DLG2: variants seen among roughly 807,000 people sequenced by gnomAD.
The protein encoded by DLG2 is disks large homolog 2.
DLG2 carries 45 observed loss-of-function variants against 132.5 expected under a neutral mutation model. The observed-to-expected ratio is 0.34, with a 90% CI of 0.27 to 0.44. The LOEUF is 0.44. Ranked by LOEUF, DLG2 falls within the 20% of genes least tolerant of loss-of-function variation. The pLI is 1.00. For synonymous variants in DLG2, 424 were observed against 419.6 expected (o/e 1.01, Z -0.13); for missense variants, 1,045 against 1,196.9 (o/e 0.87, Z 1.87).
intron 11 of DLG2, among the ~76,000 whole-genome samples, chr11:84,003,131 G>T (rs1171812913): frequency 5.3e-5 from 8 of 152,164 alleles, no homozygotes; most frequent in Admixed American, 2.6e-4. Context: ...CATAGCAAGA[G>T]TCACCTTTAT....
intron 8 of DLG2, among the ~76,000 whole-genome samples, chr11:84,169,232 A>C (rs1355501912): frequency 6.6e-6 from 1 of 152,204 alleles, no homozygotes; most frequent in African/African-American, 2.4e-5. Context: ...CTAAAATCCC[A>C]AACAGTTTTC....
chr11:84,770,009 T>C (rs1382853250), intron 6 of DLG2, among the ~76,000 whole-genome samples: 2 of 152,224 alleles, frequency 1.3e-5, no homozygotes, highest in South Asian at 2.1e-4. Context: ...TGTTAAAATA[T>C]AGTCACCAAT....
chr11:83,850,162 T>TGTG (rs59045992), intron 16 of DLG2, among the ~76,000 whole-genome samples: 5,216 of 115,412 alleles, frequency 0.045, 134 homozygotes, highest in Middle Eastern at 0.079. Context: ...GTGTGTGTGT[T>TGTG]TTTTTACTTG....
At chr11:85,089,334 T>C (rs2068407651) in intron 6 of DLG2, among the ~76,000 whole-genome samples, 1 of 152,150 alleles carries the variant, frequency 6.6e-6, no homozygotes, top group African/African-American at 2.4e-5. Flanking sequence ...CAGTTTTATG[T>C]CAATGTGCAT....
At chr11:84,763,927 A>G (rs1308868925) in intron 6 of DLG2, among the ~76,000 whole-genome samples, 1 of 152,140 alleles carries the variant, frequency 6.6e-6, no homozygotes, top group Non-Finnish European at 1.5e-5. Context: ...ACATCAGCAA[A>G]AGCCAGGGGA....
At chr11:85,096,933 G>A (rs2069926461) in intron 6 of DLG2, among the ~76,000 whole-genome samples, 2 of 152,060 alleles carry the variant, frequency 1.3e-5, no homozygotes, top group Admixed American at 6.5e-5. Flanking sequence ...CGCTTTTCCT[G>A]TACTTCTGGG....
chr11:83,791,794 C>T (rs964824626), intron 17 of DLG2, among the ~76,000 whole-genome samples: 5 of 152,202 alleles, frequency 3.3e-5, no homozygotes, highest in Non-Finnish European at 7.3e-5. Flanking sequence ...TACGCTTCCT[C>T]TCCCAGGACC....
intron 3 of DLG2, among the ~76,000 whole-genome samples, chr11:85,518,690 C>T (rs1328310713): frequency 1.3e-5 from 2 of 152,144 alleles, no homozygotes; most frequent in Non-Finnish European, 2.9e-5. Flanking sequence ...ATGTTAATCC[C>T]CAAGACAATG....
chr11:84,564,683 T>C (rs1201404659), intron 6 of DLG2, among the ~76,000 whole-genome samples: 2 of 152,168 alleles, frequency 1.3e-5, no homozygotes, highest in Non-Finnish European at 2.9e-5. Flanking sequence ...GGGTCTCAAG[T>C]TGCCATAACT....
At chr11:83,944,309 G>A (rs12278816) in intron 14 of DLG2, among the ~76,000 whole-genome samples, 11,996 of 152,144 alleles carry the variant, frequency 0.079, 617 homozygotes, top group Non-Finnish European at 0.12. Flanking sequence ...TGCCTGTTCC[G>A]CCAAAACCTT....
chr11:84,089,927 G>C (rs897796936), intron 10 of DLG2, among the ~76,000 whole-genome samples: 1 of 152,138 alleles, frequency 6.6e-6, no homozygotes, highest in African/African-American at 2.4e-5. Context: ...AGTGGAGGCT[G>C]TCATGTGATA....
intron 8 of DLG2, among the ~76,000 whole-genome samples, chr11:84,227,312 A>T (rs1337963869): frequency 6.6e-6 from 1 of 151,966 alleles, no homozygotes; most frequent in South Asian, 2.1e-4. Flanking sequence ...AGATCAGAGA[A>T]TTGCAAAAGG....
At chr11:83,746,227 G>T (rs1306920812) in intron 18 of DLG2, among the ~76,000 whole-genome samples, 1 of 152,136 alleles carries the variant, frequency 6.6e-6, no homozygotes, top group Non-Finnish European at 1.5e-5. Flanking sequence ...CCATTACTAG[G>T]TATATACCCA....
chr11:83,972,401 C>T (rs908563906), intron 12 of DLG2, among the ~76,000 whole-genome samples: 8 of 152,034 alleles, frequency 5.3e-5, no homozygotes, highest in Admixed American at 1.3e-4. Flanking sequence ...AAGTAGCATA[C>T]GAATAGAAAT....
At chr11:84,474,145 T>G (rs1443839004) in intron 7 of DLG2, among the ~76,000 whole-genome samples, 2 of 152,024 alleles carry the variant, frequency 1.3e-5, no homozygotes, top group Admixed American at 1.3e-4. Flanking sequence ...TCTGATCCCT[T>G]GTATCAAGTG....
intron 6 of DLG2, among the ~76,000 whole-genome samples, chr11:84,967,259 A>T (rs893684301): frequency 6.6e-6 from 1 of 152,086 alleles, no homozygotes; most frequent in Non-Finnish European, 1.5e-5. Flanking sequence ...TAAAACTTTA[A>T]AAAACAGGAA....
chr11:85,121,906 CTA>C (rs1316954047), intron 5 of DLG2, among the ~76,000 whole-genome samples: 2 of 152,110 alleles, frequency 1.3e-5, no homozygotes, highest in African/African-American at 4.8e-5. Flanking sequence ...GCACATGAGT[CTA>C]TATATACACA....
intron 6 of DLG2, among the ~76,000 whole-genome samples, chr11:84,615,735 C>A (rs901761829): frequency 6.8e-6 from 1 of 146,402 alleles, no homozygotes; most frequent in Non-Finnish European, 1.5e-5. Flanking sequence ...TAAAAAGGGC[C>A]CTATGATATT....
At chr11:84,288,655 A>G (rs1599137212) in intron 7 of DLG2, among the ~76,000 whole-genome samples, 1 of 152,210 alleles carries the variant, frequency 6.6e-6, no homozygotes, top group South Asian at 2.1e-4. Flanking sequence ...TTGCATAGAG[A>G]ATGCTAATGT....
Sources: allele counts gnomAD v4.1 joint callset (sites outside exome capture counted in the v4.1 genomes callset), GRCh38; gene constraint gnomAD v4.1.1; transcripts MANE v1.5; gene names NCBI Gene and HGNC (gene_info 2026-07-23, HGNC 2026-07-21).